The following ACOT7 variants were observed in gnomAD, a reference collection of about 807,000 sequenced individuals.
ACOT7 encodes the protein cytosolic acyl coenzyme A thioester hydrolase.
A neutral mutation model predicts 40.2 loss-of-function variants in ACOT7; 12 were observed. The observed-to-expected ratio is 0.30, with a 90% CI of 0.19 to 0.48. ACOT7 has a LOEUF of 0.48. Ranked by LOEUF, ACOT7 falls within the 20% of genes least tolerant of loss-of-function variation. The pLI, the probability that ACOT7 is intolerant of heterozygous loss-of-function variation, is 0.99. For missense variants in ACOT7, 395 were observed against 530.8 expected (o/e 0.74, Z 2.51); for synonymous variants, 228 against 219.5 (o/e 1.04, Z -0.34).
At chr1:6,384,471 C>T (rs1243986102) in intron 1 of ACOT7, among the ~76,000 whole-genome samples, 1 of 151,848 alleles carries the variant, frequency 6.6e-6, no homozygotes, top group Non-Finnish European at 1.5e-5. Flanking sequence ...AGAATAACCA[C>T]AAAATTACCA....
At chr1:6,376,233 G>A (rs74644642) in intron 1 of ACOT7, among the ~76,000 whole-genome samples, 3,375 of 151,964 alleles carry the variant, frequency 0.022, 117 homozygotes, top group African/African-American at 0.077. Context: ...TCCAGCCTGA[G>A]GAAAAACAGC....
chr1:6,346,529 A>T lies in ACOT7; in HGVS notation c.261+3220T>A, dbSNP rs563865301. Among the ~76,000 whole-genome samples, 8 of 152,292 alleles carry T rather than the reference A, an allele frequency of 5.3e-5. No homozygotes were observed. In the East Asian group the frequency reaches 1.5e-3, roughly 29 times the overall value. On this transcript the variant is annotated intron_variant, in intron 2 of 8. Transcript: ENST00000361521. ...GGCCAGAGGGAGAGTTGAGAAAGAG[A>T]TGTAGGAGGTGAGGTCCCCGAGCCG... is the stretch of plus-strand genomic sequence containing the variant.
intron 8 of ACOT7, among the ~76,000 whole-genome samples, chr1:6,273,352 A>G (rs1485230169): frequency 6.6e-6 from 1 of 152,194 alleles, no homozygotes; most frequent in African/African-American, 2.4e-5. Context: ...CATGGGACTC[A>G]CTGGCCACCG....
intron 6 of ACOT7, among the ~76,000 whole-genome samples, chr1:6,313,615 GC>G (rs1410072692): frequency 6.6e-6 from 1 of 152,158 alleles, no homozygotes; most frequent in African/African-American, 2.4e-5. Context: ...GGACATTGTG[GC>G]CAAAAGGGGA....
In ACOT7 at chr1:6,288,166, G is replaced by T. The variant is rs1232970993; in HGVS notation, c.829+6698C>A. Reference sequence around the variant, plus strand: ...GCGGAGGCTCTCCCACTCTGTGGGTGCTACCGGGCTCCACGTGCCTTCCCC... The same window carrying T: ...GCGGAGGCTCTCCCACTCTGTGGGTTCTACCGGGCTCCACGTGCCTTCCCC... On this transcript the variant is annotated intron_variant, in intron 7 of 8. Transcript: ENST00000361521. This position sits in a 1 kb window ranked among gnomAD's most constrained non-coding sequence, Gnocchi z 4.3. Among the ~76,000 whole-genome samples the T allele has an allele frequency of 6.6e-5, 10 of 152,210 alleles. No individual in the cohort carries two copies. The highest frequency in any genetic ancestry group is 1.3e-4 in the Non-Finnish European group (9 of 68,030).
chr1:6,283,853 GAT>G (rs1263477816), intron 7 of ACOT7, among the ~76,000 whole-genome samples: 1 of 152,208 alleles, frequency 6.6e-6, no homozygotes, highest in Non-Finnish European at 1.5e-5. Context: ...AACCTAACTG[GAT>G]ATAGTGGCAC....
At chr1:6,360,100 A>T (rs1249140811) in intron 1 of ACOT7, among the ~76,000 whole-genome samples, 1 of 152,250 alleles carries the variant, frequency 6.6e-6, no homozygotes, top group African/African-American at 2.4e-5. Context: ...TCCTAAAAGG[A>T]CAAGTCCTCT....
chr1:6,352,708 G>A lies in ACOT7; in HGVS notation c.144-2842C>T, dbSNP rs1408257238. ...CTGGGTTCTCCTGCCTCAGCCTCCC[G>A]AGTAGCTGGCACTACAGGCGCCCGC... On this transcript the variant is annotated intron_variant, in intron 1 of 8. Transcript: ENST00000361521. This position sits in a 1 kb window ranked among gnomAD's most constrained non-coding sequence, Gnocchi z 4.5. Among the ~76,000 whole-genome samples, 3 of 144,800 alleles carry A rather than the reference G, an allele frequency of 2.1e-5. No individual in the cohort carries two copies. Among genetic ancestry groups the A allele is most frequent in the East Asian group, 2.1e-4 (1 of 4,762 alleles). The allele number at this position is 144,800 out of a possible 152,430, so 95.0% of individuals were successfully genotyped here. A position where few individuals can be genotyped will look rare whatever the true frequency, so the allele number is the denominator to read the frequency against.
intron 8 of ACOT7, among the ~76,000 whole-genome samples, chr1:6,265,038 T>C (rs12063157): frequency 0.053 from 8,089 of 152,240 alleles, 376 homozygotes; most frequent in African/African-American, 0.12. Flanking sequence ...CCCTGTGACA[T>C]CCTCTCACCA....
chr1:6,327,453 C>T (rs767199138), intron 4 of ACOT7, 40 bp from the exon 5 acceptor site: 8 of 1,595,550 alleles, frequency 5.0e-6, no homozygotes, highest in Admixed American at 3.4e-5. Flanking sequence ...AGGCAGGACA[C>T]GGCCTCCTCC....
At chr1:6,375,350 A>G (rs977212433) in intron 1 of ACOT7, among the ~76,000 whole-genome samples, 7 of 151,838 alleles carry the variant, frequency 4.6e-5, no homozygotes, top group African/African-American at 1.7e-4. Flanking sequence ...CTTGTATCTA[A>G]AATATACAAA....
intron 6 of ACOT7, among the ~76,000 whole-genome samples, chr1:6,300,245 T>A (rs1639929088): frequency 6.6e-6 from 1 of 152,070 alleles, no homozygotes; most frequent in South Asian, 2.1e-4. Context: ...AAGCCTAGCA[T>A]CAGGAGCCAG....
intron 8 of ACOT7, among the ~76,000 whole-genome samples, chr1:6,276,525 G>A (rs564845839): frequency 2.6e-5 from 4 of 152,078 alleles, no homozygotes; most frequent in South Asian, 2.1e-4. Flanking sequence ...GGCTGCATCC[G>A]TGTCAGCCAG....
intron 1 of ACOT7, among the ~76,000 whole-genome samples, chr1:6,363,285 G>A (rs1423232362): frequency 6.6e-6 from 1 of 152,176 alleles, no homozygotes; most frequent in Non-Finnish European, 1.5e-5. Flanking sequence ...CCGTTGCCAG[G>A]CAGACCGTGG....
chr1:6,346,091 T>C (rs1380948188), intron 2 of ACOT7, among the ~76,000 whole-genome samples: 2 of 152,186 alleles, frequency 1.3e-5, no homozygotes, highest in Non-Finnish European at 2.9e-5. Flanking sequence ...ATCAGGGGCA[T>C]GGCCGGACGC....
At chr1:6,290,908 T>G (rs1054902558) in intron 7 of ACOT7, among the ~76,000 whole-genome samples, 1 of 152,154 alleles carries the variant, frequency 6.6e-6, no homozygotes, top group South Asian at 2.1e-4. Flanking sequence ...GGGGGGCCCC[T>G]GGGGGACTGC....
chr1:6,287,772 T>G (rs1639546442), intron 7 of ACOT7, among the ~76,000 whole-genome samples: 1 of 150,922 alleles, frequency 6.6e-6, no homozygotes, highest in Non-Finnish European at 1.5e-5. Flanking sequence ...GACTGAGAGG[T>G]TGCCAAGTGT....
chr1:6,300,085 T>C (rs1639925134), intron 6 of ACOT7, among the ~76,000 whole-genome samples: 2 of 152,218 alleles, frequency 1.3e-5, no homozygotes, highest in African/African-American at 2.4e-5. Flanking sequence ...AGACACATTG[T>C]TAACTGGAGT....
In ACOT7 at chr1:6,294,828, C is replaced by A; in HGVS notation, c.829+36G>T. On this transcript the variant is annotated intron_variant, in intron 7 of 8. Coordinates refer to ENST00000361521, the MANE Select transcript of ACOT7 (RefSeq NM_007274.4). This position sits in a 1 kb window ranked among gnomAD's most constrained non-coding sequence, Gnocchi z 4.6. ...TGCAGGGACCCAAGCAGCCGAGGGC[C>A]ACTGCCTCCCTCGTCTTTGCCAGAA... 1 of 1,564,002 alleles carries A rather than the reference C, an allele frequency of 6.4e-7. No homozygotes were observed. Among genetic ancestry groups the A allele is most frequent in the Non-Finnish European group, 8.8e-7 (1 of 1,135,460 alleles).
Sources: gnomAD v4.1 joint callset for allele counts (sites outside exome capture counted in the v4.1 genomes callset) on GRCh38, gnomAD v4.1.1 for gene constraint, Gnocchi (gnomAD v3.1) non-coding constraint, MANE v1.5 for transcripts, NCBI Gene and HGNC (gene_info 2026-07-23, HGNC 2026-07-21) for gene names.